Variants in PYGB observed in about 807,000 individuals in gnomAD.
PYGB encodes glycogen phosphorylase, brain form.
Under a neutral mutation model 94.3 loss-of-function variants are expected in PYGB, and 82 were observed. The ratio of observed to expected loss-of-function variants is 0.87; its 90% CI spans 0.73 to 1.04. The LOEUF (loss-of-function observed/expected upper bound fraction) is 1.04. Ranked by LOEUF, PYGB falls within the 50% of genes least tolerant of loss-of-function variation. The pLI is 0.00. For missense variants in PYGB, 1,132 were observed against 1,158.2 expected, an observed-to-expected ratio of 0.98 and a Z score of 0.33; for synonymous variants, 488 against 479.1, an observed-to-expected ratio of 1.02 and a Z score of -0.24.
At chr20:25,286,818 G>A (rs1405881784) in intron 14 of PYGB, among the ~76,000 whole-genome samples, 1 of 152,238 alleles carries the variant, frequency 6.6e-6, no homozygotes, top group Non-Finnish European at 1.5e-5. Context: ...CCCCTCCCCA[G>A]AGGTTAGGAC....
At chr20:25,268,157 A>C (rs867993650) in intron 2 of PYGB, among the ~76,000 whole-genome samples, 631 of 28,132 alleles carry the variant, frequency 0.022, no homozygotes, top group Admixed American at 0.028. Context: ...AAATCCTAGC[A>C]CCCGCCCCCC....
chr20:25,268,154 A>G (rs1487076956), intron 2 of PYGB, among the ~76,000 whole-genome samples: 4 of 7,396 alleles, frequency 5.4e-4, no homozygotes, highest in African/African-American at 8.6e-4. Context: ...AGTAAATCCT[A>G]GCACCCGCCC....
chr20:25,276,830 TTACCG>T (rs2088316476), intron 6 of PYGB, 73 bp downstream of exon 6: 1 of 1,385,278 alleles, frequency 7.2e-7, no homozygotes, highest in East Asian at 2.4e-5. Flanking sequence ...CCCACAGCCT[TTACCG>T]CGCCCTGTGG....
intron 5 of PYGB, 95 bp from the exon 6 acceptor site, chr20:25,276,540 GGCCAGCAGGGC>G: frequency 1.2e-6 from 1 of 859,226 alleles, no homozygotes; most frequent in African/African-American, 1.7e-5. Flanking sequence ...GACGGTGGGG[GGCCAGCAGGGC>G]GCCAGGTGCC....
chr20:25,294,966 G>A (rs980394920), intron 18 of PYGB: 47 of 1,614,020 alleles, frequency 2.9e-5, no homozygotes, highest in Non-Finnish European at 3.9e-5. Flanking sequence ...TCACCTGTTG[G>A]CTTCAGTCAC....
chr20:25,288,390 G>A, intron 14 of PYGB, 35 bp from the exon 15 acceptor site: 1 of 1,613,728 alleles, frequency 6.2e-7, no homozygotes, highest in Non-Finnish European at 8.5e-7. Flanking sequence ...CCGGCTCGCG[G>A]TGCCTTGTGT....
At chr20:25,295,134 G>A in intron 18 of PYGB, 1 of 1,264,468 alleles carries the variant, frequency 7.9e-7, no homozygotes, top group Non-Finnish European at 1.2e-6. Flanking sequence ...CATAAATCTG[G>A]CATTTTTGTT....
At chr20:25,255,241 C>G (rs974328897) in intron 1 of PYGB, among the ~76,000 whole-genome samples, 1 of 152,206 alleles carries the variant, frequency 6.6e-6, no homozygotes, top group Non-Finnish European at 1.5e-5. Context: ...GTGACACTGT[C>G]AAGGAAACCA....
chr20:25,279,212 C>T, intron 9 of PYGB, 63 bp downstream of exon 9: 2 of 1,529,596 alleles, frequency 1.3e-6, no homozygotes, highest in Non-Finnish European at 1.8e-6. Context: ...ACCAGGGCTA[C>T]AAGGAGCTGA....
chr20:25,259,419 C>A, intron 2 of PYGB, 81 bp downstream of exon 2: 1 of 1,128,298 alleles, frequency 8.9e-7, no homozygotes, highest in Non-Finnish European at 1.3e-6. Context: ...CAGAGGTGAG[C>A]CCTGATGTTA....
intron 1 of PYGB, among the ~76,000 whole-genome samples, chr20:25,258,673 G>C (rs2092907401): frequency 6.6e-6 from 1 of 152,224 alleles, no homozygotes; most frequent in Non-Finnish European, 1.5e-5. Context: ...GGCTCATGTG[G>C]CAACCCCAAG....
At position 25,292,455 on chromosome 20, in the gene PYGB, G is replaced by A. The variant is rs992429476; in HGVS notation, c.2019G>A (p.Glu673=). 1 of 1,613,580 alleles carries A rather than the reference G, an allele frequency of 6.2e-7. No individual in the cohort carries two copies. Among genetic ancestry groups the A allele is most frequent in the East Asian group, 2.2e-5 (1 of 44,880 alleles). ...LSQQISTAGT[E]ASGTGNMKFM... is the part of the protein sequence containing the mutation. Reference sequence around the variant, plus strand: ...AGCAGATCTCCACTGCAGGCACCGAGGCCTCAGGCACAGGCAACATGAAGT... The same window carrying A: ...AGCAGATCTCCACTGCAGGCACCGAAGCCTCAGGCACAGGCAACATGAAGT... The change falls in exon 17 of 20, where the codon GAG becomes GAA. Residue 673 remains glutamate, a synonymous_variant. Coordinates refer to ENST00000216962, the MANE Select transcript of PYGB (RefSeq NM_002862.4).
At position 25,290,558 on chromosome 20, in the gene PYGB, A is replaced by C. The variant is rs201455999; in HGVS notation, c.1905A>C (p.Pro635=). 1.9e-5 allele frequency: 30 copies of C among 1,611,434 alleles called. No homozygotes were observed. In the South Asian group the frequency reaches 2.7e-4, roughly 15 times the overall value. The change falls in exon 16 of 20, where the codon CCA becomes CCC. Residue 635 remains proline, a synonymous_variant. Coordinates refer to ENST00000216962, the MANE Select transcript of PYGB (RefSeq NM_002862.4). ...TCGGCGACGTCGTCAATCATGACCC[A>C]GTTGTGGGTGACAGGTTGAAAGTGA... ...TSIGDVVNHD[P]VVGDRLKVIF...
intron 5 of PYGB, 123 bp downstream of exon 5, chr20:25,274,846 G>A: frequency 7.1e-7 from 1 of 1,409,500 alleles, no homozygotes; most frequent in Non-Finnish European, 9.5e-7. Flanking sequence ...GAGGACTTAA[G>A]GTAAAAGCCG....
chr20:25,249,073 T>C (rs2092880042), intron 1 of PYGB, among the ~76,000 whole-genome samples: 1 of 152,192 alleles, frequency 6.6e-6, no homozygotes, highest in South Asian at 2.1e-4. Flanking sequence ...TCTTACTAAT[T>C]GTTACTTTTT....
At chr20:25,294,406 G>A (rs1266538868) in intron 18 of PYGB, 114 bp downstream of exon 18, 9 of 1,325,982 alleles carry the variant, frequency 6.8e-6, no homozygotes, top group South Asian at 1.4e-5. Context: ...CTTTCAGGAC[G>A]TCTTCTCCAC....
intron 1 of PYGB, among the ~76,000 whole-genome samples, chr20:25,258,766 T>C (rs745818344): frequency 4.6e-5 from 7 of 152,264 alleles, no homozygotes; most frequent in Non-Finnish European, 1.0e-4. Flanking sequence ...CTGCGTTCAT[T>C]GGTGCTTCAC....
At chr20:25,273,083 T>G (rs1342949261) in intron 4 of PYGB, among the ~76,000 whole-genome samples, 2 of 152,260 alleles carry the variant, frequency 1.3e-5, no homozygotes, top group Non-Finnish European at 2.9e-5. Context: ...TAGTTGGCTT[T>G]AGCCATGGAA....
chr20:25,278,220 GC>G, intron 7 of PYGB, 98 bp from the exon 8 acceptor site: 1 of 1,367,928 alleles, frequency 7.3e-7, no homozygotes, highest in Non-Finnish European at 9.8e-7. Context: ...GCTCCTCTCG[GC>G]CTTCTGCCTG....
Sources: allele counts gnomAD v4.1 joint callset (sites outside exome capture counted in the v4.1 genomes callset), GRCh38; gene constraint gnomAD v4.1.1; transcripts MANE v1.5; gene names NCBI Gene and HGNC (gene_info 2026-07-23, HGNC 2026-07-21).